NRG4: variants seen among roughly 807,000 people sequenced by gnomAD.
NRG4 encodes the protein neuregulin 4.
Under a neutral mutation model 15.0 loss-of-function variants are expected in NRG4, and 10 were observed. The observed-to-expected ratio is 0.67, with a 90% CI of 0.41 to 1.13. The LOEUF is 1.13. NRG4 is among the 50% of genes most tolerant of loss of function. The pLI is 0.00. For synonymous variants in NRG4, 41 were observed against 50.1 expected, an observed-to-expected ratio of 0.82 and a Z score of 0.77; for missense variants, 139 against 140.2, an observed-to-expected ratio of 0.99 and a Z score of 0.04.
At chr15:75,949,318 C>G (rs956710872) in intron 5 of NRG4, among the ~76,000 whole-genome samples, 2 of 149,186 alleles carry the variant, frequency 1.3e-5, no homozygotes, top group African/African-American at 5.0e-5. Context: ...GGCTGAGACA[C>G]AAGAATCCAT....
intron 5 of NRG4, among the ~76,000 whole-genome samples, chr15:76,027,926 G>A (rs334937): frequency 0.08 from 12,225 of 152,090 alleles, 1,130 homozygotes; most frequent in African/African-American, 0.23. Flanking sequence ...TGAACGACCA[G>A]TGGATTAAAA....
At chr15:75,965,539 C>CA (rs1161471428) in intron 3 of NRG4, among the ~76,000 whole-genome samples, 1 of 152,080 alleles carries the variant, frequency 6.6e-6, no homozygotes, top group Non-Finnish European at 1.5e-5. Flanking sequence ...TAGGGAAAGG[C>CA]AAAGACAAAT....
At chr15:75,976,118 G>C (rs1246157183) in intron 3 of NRG4, among the ~76,000 whole-genome samples, 2 of 151,790 alleles carry the variant, frequency 1.3e-5, no homozygotes, top group Admixed American at 6.6e-5. Flanking sequence ...TCTTCCACTT[G>C]ATCGATTTGT....
rs1194110019 is a variant in NRG4 at position 75,961,957 on chromosome 15, G to A, written c.122C>T (p.Thr41Ile). Residue 41 changes from threonine to isoleucine, a missense_variant, in exon 4 of 6, where the codon ACA (threonine) becomes ATA (isoleucine). Coordinates refer to ENST00000394907, the MANE Select transcript of NRG4 (RefSeq NM_138573.4). ...SPFCRCVENY[T>I]GARCEEVFLP... is the part of the protein sequence containing the mutation. ...AAAAACCTCTTCACAACGAGCTCCT[G>A]TATAGTTTTCAACGCACCTACAGAA... The A allele has an allele frequency of 9.9e-6, 16 of 1,612,000 alleles. No individual in the cohort carries two copies. The Admixed American group carries it at 1.2e-4, about 12-fold the overall frequency.
At chr15:76,018,421 A>G (rs2035053085) in intron 5 of NRG4, among the ~76,000 whole-genome samples, 1 of 151,894 alleles carries the variant, frequency 6.6e-6, no homozygotes, top group African/African-American at 2.4e-5. Context: ...GGGTTTTGGA[A>G]TTTTCAGCCT....
chr15:75,952,145 TA>T (rs1232545395), intron 5 of NRG4, among the ~76,000 whole-genome samples: 4 of 152,188 alleles, frequency 2.6e-5, no homozygotes, highest in Non-Finnish European at 5.9e-5. Flanking sequence ...GCTTTTAGTA[TA>T]TTCAGAGTTG....
intron 3 of NRG4, among the ~76,000 whole-genome samples, chr15:75,985,463 C>T (rs1017582264): frequency 6.6e-6 from 1 of 152,160 alleles, no homozygotes; most frequent in African/African-American, 2.4e-5. Flanking sequence ...CAAGATTTTT[C>T]ATGGAAACTG....
At chr15:76,011,790 T>C (rs754080165) in intron 1 of NRG4, among the ~76,000 whole-genome samples, 15 of 152,096 alleles carry the variant, frequency 9.9e-5, no homozygotes, top group Non-Finnish European at 1.9e-4. Flanking sequence ...ATGGCACACA[T>C]GTTATAAACA....
intron 4 of NRG4, chr15:75,959,012 G>C (rs1024400974): frequency 2.0e-5 from 4 of 196,294 alleles, no homozygotes; most frequent in Non-Finnish European, 3.3e-5. Flanking sequence ...ACAGGGTCTT[G>C]CTCTCTCACC....
intron 2 of NRG4, among the ~76,000 whole-genome samples, chr15:76,010,347 C>G (rs1457304708): frequency 6.6e-6 from 1 of 152,064 alleles, no homozygotes; most frequent in Non-Finnish European, 1.5e-5. Context: ...ATTACTCTCC[C>G]ACTGGGACTC....
chr15:75,969,258 A>G, intron 3 of NRG4: 4 of 455,292 alleles, frequency 8.8e-6, no homozygotes, highest in Non-Finnish European at 1.8e-5. Context: ...GAGCTGGGCA[A>G]AAGTCACAGT....
chr15:76,059,802 G>A (rs2036251888), upstream of NRG4: 1 of 146,978 alleles, frequency 6.8e-6, no homozygotes, highest in Non-Finnish European at 1.5e-5. Flanking sequence ...CCTCGGGGGC[G>A]CGCGCGCGCG....
intron 5 of NRG4, 71 bp from the exon 6 acceptor site, chr15:75,943,725 A>G (rs1327647769): frequency 5.3e-6 from 5 of 945,872 alleles, no homozygotes; most frequent in Non-Finnish European, 5.1e-6. Context: ...ACCTATCTAC[A>G]TGTCTCTTAT....
chr15:76,056,039 T>G lies in NRG4; in HGVS notation c.-262+915A>C, dbSNP rs573707807. On this transcript the variant is annotated intron_variant, in intron 2 of 8. Coordinates refer to the NRG4 transcript ENST00000563910. ...AGAAAACTTTACAATTAATTTTTAT[T>G]GAGAGCCTACTGAGTCCATGGTATT... Among the ~76,000 whole-genome samples, 61 of 152,326 alleles carry G rather than the reference T, an allele frequency of 4.0e-4. 1 individual carries two copies. Among genetic ancestry groups the G allele is most frequent in the African/African-American group, 1.4e-3 (60 of 41,586 alleles).
intron 5 of NRG4, among the ~76,000 whole-genome samples, chr15:76,034,004 C>T (rs1201791250): frequency 1.3e-5 from 2 of 152,202 alleles, no homozygotes; most frequent in Non-Finnish European, 2.9e-5. Flanking sequence ...CCAACATGCA[C>T]ATACACACTT....
intron 3 of NRG4, among the ~76,000 whole-genome samples, chr15:75,989,032 T>A (rs1357138702): frequency 6.6e-6 from 1 of 151,832 alleles, no homozygotes; most frequent in African/African-American, 2.4e-5. Context: ...AATTTTTAAA[T>A]TTTTTTGTAG....
intron 3 of NRG4, among the ~76,000 whole-genome samples, chr15:75,981,850 AT>A (rs1355466913): frequency 1.3e-5 from 2 of 152,200 alleles, no homozygotes; most frequent in East Asian, 3.8e-4. Context: ...AAAAGAGGCT[AT>A]TTTGATAAAT....
At chr15:75,939,241 TAAATG>T (rs2030689508), downstream of NRG4, 1 of 151,878 alleles carries the variant, frequency 6.6e-6, no homozygotes, top group Admixed American at 6.6e-5. Context: ...ATTGCTAAAA[TAAATG>T]AAAATGGGAA....
intron 3 of NRG4, among the ~76,000 whole-genome samples, chr15:75,967,062 T>C (rs1317455457): frequency 2.2e-5 from 3 of 138,618 alleles, no homozygotes; most frequent in African/African-American, 8.3e-5. Context: ...TGCAGTGAGC[T>C]GAGATCGCGC....
Sources: gnomAD v4.1 joint callset for allele counts (sites outside exome capture counted in the v4.1 genomes callset) on GRCh38, gnomAD v4.1.1 for gene constraint, MANE v1.5 for transcripts, NCBI Gene and HGNC (gene_info 2026-07-23, HGNC 2026-07-21) for gene names.